Variants in PDGFC observed in about 807,000 individuals in gnomAD.
PDGFC encodes platelet derived growth factor C.
A neutral mutation model predicts 35.5 loss-of-function variants in PDGFC; 12 were observed. The observed-to-expected ratio is 0.34, with a 90% confidence interval of 0.22 to 0.55. PDGFC has a LOEUF of 0.55. Ranked by LOEUF, PDGFC falls within the 20% of genes least tolerant of loss-of-function variation. PDGFC has a pLI of 0.91. For synonymous variants in PDGFC, 159 were observed against 148.8 expected (o/e 1.07, Z -0.50); for missense variants, 322 against 412.4 (o/e 0.78, Z 1.90).
At chr4:156,795,983 C>T (rs80136856) in intron 3 of PDGFC, among the ~76,000 whole-genome samples, 1 of 152,108 alleles carries the variant, frequency 6.6e-6, no homozygotes, top group African/African-American at 2.4e-5. Context: ...TTTATAGTGA[C>T]TATTTATGTT....
intron 3 of PDGFC, among the ~76,000 whole-genome samples, chr4:156,809,231 A>C (rs1428847059): frequency 6.6e-6 from 1 of 152,046 alleles, no homozygotes; most frequent in Non-Finnish European, 1.5e-5. Flanking sequence ...TAAATGATTA[A>C]ACAATCATTT....
chr4:156,794,174 C>T (rs1731377883), intron 3 of PDGFC, among the ~76,000 whole-genome samples: 1 of 152,098 alleles, frequency 6.6e-6, no homozygotes. Flanking sequence ...CTTTTCATAG[C>T]CCTGGCGTTG....
intron 2 of PDGFC, among the ~76,000 whole-genome samples, chr4:156,847,435 G>A (rs576196359): frequency 4.6e-5 from 7 of 151,826 alleles, no homozygotes; most frequent in East Asian, 3.9e-4. Flanking sequence ...ATACCTGACC[G>A]TACTCTTCAA....
At chr4:156,838,661 G>T (rs186296641) in intron 2 of PDGFC, among the ~76,000 whole-genome samples, 1 of 152,290 alleles carries the variant, frequency 6.6e-6, no homozygotes, top group Non-Finnish European at 1.5e-5. Flanking sequence ...ACTAAATAAA[G>T]TCTATGCCTA....
intron 1 of PDGFC, among the ~76,000 whole-genome samples, chr4:156,912,444 C>T (rs1474185554): frequency 6.6e-6 from 1 of 152,132 alleles, no homozygotes; most frequent in East Asian, 1.9e-4. Flanking sequence ...TCTCGAGGCA[C>T]ATGTCCTTAG....
chr4:156,970,418 G>C (rs1309960428), intron 1 of PDGFC, among the ~76,000 whole-genome samples: 1 of 152,096 alleles, frequency 6.6e-6, no homozygotes, highest in Non-Finnish European at 1.5e-5. Flanking sequence ...CCCCAAATCT[G>C]AGTAAAGTCA....
In PDGFC at chr4:156,767,848, C is replaced by T. The variant is rs1195433276; in HGVS notation, c.846G>A (p.Gly282=). 1.2e-6 allele frequency: 2 copies of T among 1,613,376 alleles called. No individual in the cohort carries two copies. The highest frequency in any genetic ancestry group is 1.7e-6 in the Non-Finnish European group (2 of 1,179,478). Residue 282 remains glycine, a synonymous_variant, in exon 5 of 6, where the codon GGG becomes GGA. Transcript: ENST00000502773. ...PGCLLVKRCG[G]NCACCLHNCN... ...AATTGTGGAGACAACAGGCACAGTTCCCACCACAGCGTTTAACCAGGAGAC... is the reference window on the plus strand; with the variant it reads ...AATTGTGGAGACAACAGGCACAGTTTCCACCACAGCGTTTAACCAGGAGAC...
chr4:156,886,447 T>C (rs1355333688), intron 1 of PDGFC, among the ~76,000 whole-genome samples: 2 of 152,232 alleles, frequency 1.3e-5, no homozygotes, highest in African/African-American at 4.8e-5. Flanking sequence ...AAGTTTTGTT[T>C]AGTAGATTCT....
intron 3 of PDGFC, among the ~76,000 whole-genome samples, chr4:156,799,925 T>C (rs1731553980): frequency 6.6e-6 from 1 of 152,136 alleles, no homozygotes; most frequent in African/African-American, 2.4e-5. Flanking sequence ...TAGTTCACCA[T>C]TTTTTCAAAG....
At chr4:156,852,258 A>T (rs1463693858) in intron 1 of PDGFC, among the ~76,000 whole-genome samples, 1 of 152,264 alleles carries the variant, frequency 6.6e-6, no homozygotes, top group Admixed American at 6.5e-5. Flanking sequence ...TCATGGAGAG[A>T]TTACTCTCCA....
At chr4:156,780,987 G>A (rs1372855924) in intron 3 of PDGFC, among the ~76,000 whole-genome samples, 1 of 152,042 alleles carries the variant, frequency 6.6e-6, no homozygotes, top group Non-Finnish European at 1.5e-5. Context: ...TTTACATGCT[G>A]GAGTGTCCCA....
intron 1 of PDGFC, among the ~76,000 whole-genome samples, chr4:156,859,051 C>G (rs1175507718): frequency 6.6e-6 from 1 of 151,914 alleles, no homozygotes; most frequent in Non-Finnish European, 1.5e-5. Context: ...ATAACCAAAA[C>G]AAATTTACTA....
chr4:156,791,549 C>T (rs1337317877), intron 3 of PDGFC, among the ~76,000 whole-genome samples: 1 of 151,386 alleles, frequency 6.6e-6, no homozygotes, highest in Non-Finnish European at 1.5e-5. Context: ...CTGAAATGAC[C>T]TAATAAAGAA....
At chr4:156,823,023 A>T (rs536917600) in intron 2 of PDGFC, among the ~76,000 whole-genome samples, 1 of 152,160 alleles carries the variant, frequency 6.6e-6, no homozygotes, top group African/African-American at 2.4e-5. Context: ...CTTGAGCCAC[A>T]GCACCCAGCC....
At chr4:156,890,597 C>T (rs2111193076) in intron 1 of PDGFC, among the ~76,000 whole-genome samples, 1 of 152,284 alleles carries the variant, frequency 6.6e-6, no homozygotes, top group African/African-American at 2.4e-5. Flanking sequence ...ACCCAGGCTA[C>T]CGGGGTTCAT....
chr4:156,797,280 AT>A (rs1731470772), intron 3 of PDGFC, among the ~76,000 whole-genome samples: 1 of 152,040 alleles, frequency 6.6e-6, no homozygotes, highest in African/African-American at 2.4e-5. Flanking sequence ...AGACAATTAA[AT>A]TTAACAGAGC....
chr4:156,909,029 T>A (rs1272587051), intron 1 of PDGFC, among the ~76,000 whole-genome samples: 1 of 152,160 alleles, frequency 6.6e-6, no homozygotes, highest in Non-Finnish European at 1.5e-5. Context: ...ACAGAATAGG[T>A]AATTTCTACA....
At chr4:156,825,574 A>C (rs900632448) in intron 2 of PDGFC, among the ~76,000 whole-genome samples, 1 of 108,872 alleles carries the variant, frequency 9.2e-6, no homozygotes, top group African/African-American at 3.9e-5. Flanking sequence ...AATAATAATA[A>C]TAATAATAAT....
At chr4:156,958,192 C>T (rs1226999810) in intron 1 of PDGFC, among the ~76,000 whole-genome samples, 4 of 151,874 alleles carry the variant, frequency 2.6e-5, no homozygotes, top group African/African-American at 7.3e-5. Flanking sequence ...TTTGCATTTT[C>T]CACAATGCCT....
Sources: allele counts gnomAD v4.1 joint callset (sites outside exome capture counted in the v4.1 genomes callset), GRCh38; gene constraint gnomAD v4.1.1; transcripts MANE v1.5; gene names NCBI Gene and HGNC (gene_info 2026-07-23, HGNC 2026-07-21).